The following MSH3 variants were observed in gnomAD, a reference collection of about 807,000 sequenced individuals.
The protein encoded by MSH3 is DNA mismatch repair protein Msh3.
In MSH3, 106 loss-of-function variants were observed where a neutral mutation model predicts 123.3. The ratio of observed to expected loss-of-function variants is 0.86; its 90% CI spans 0.73 to 1.01. The LOEUF is 1.01. MSH3 is among the 50% of genes least tolerant of loss of function. The pLI, the probability that MSH3 is intolerant of heterozygous loss-of-function variation, is 0.00. For missense variants in MSH3, 1,459 were observed against 1,347.6 expected (o/e 1.08, Z -1.29); for synonymous variants, 515 against 481.4 (o/e 1.07, Z -0.91).
In MSH3 at chr5:80,702,945, G is replaced by C. The variant is rs189781843; in HGVS notation, c.1341-22508G>C. 1.7e-3 allele frequency among the ~76,000 whole-genome samples: 256 copies of C among 152,308 alleles called. 1 individual carries two copies. Among genetic ancestry groups the C allele is most frequent in the Admixed American group, 0.015 (223 of 15,298 alleles). On this transcript the variant is annotated intron_variant, in intron 8 of 23. Transcript: ENST00000265081. ...GAGAATCACTTGAACCCGGGTGGCTGAGGTGGCAGTGAGCCGAGATCATGC... is the reference window on the plus strand; with the variant it reads ...GAGAATCACTTGAACCCGGGTGGCTCAGGTGGCAGTGAGCCGAGATCATGC...
chr5:80,869,833 CAT>C (rs200397657), intron 22 of MSH3, among the ~76,000 whole-genome samples: 14 of 69,820 alleles, frequency 2.0e-4, no homozygotes, highest in African/African-American at 6.3e-4. Context: ...TACATATATA[CAT>C]ATATATACAC....
chr5:80,770,407 G>A (rs990574180), intron 15 of MSH3, among the ~76,000 whole-genome samples: 130 of 151,968 alleles, frequency 8.6e-4, no homozygotes, highest in African/African-American at 3.1e-3. Context: ...ACATGAAAGT[G>A]CTTTTTAATC....
intron 8 of MSH3, among the ~76,000 whole-genome samples, chr5:80,705,525 C>A (rs1750702248): frequency 6.6e-6 from 1 of 152,192 alleles, no homozygotes; most frequent in East Asian, 1.9e-4. Context: ...TGTTTATAAG[C>A]CTGTCTCTCT....
At chr5:80,724,259 A>G (rs1490492875) in intron 8 of MSH3, among the ~76,000 whole-genome samples, 3 of 152,260 alleles carry the variant, frequency 2.0e-5, no homozygotes, top group African/African-American at 4.8e-5. Context: ...TTTTTCAGCC[A>G]TTAAAAAGAA....
At chr5:80,761,750 C>A (rs1744039978) in intron 13 of MSH3, 72 bp downstream of exon 13, 14 of 1,489,530 alleles carry the variant, frequency 9.4e-6, no homozygotes, top group Non-Finnish European at 3.7e-6. Flanking sequence ...TAAAAGAAAA[C>A]TTTTGAGAGC....
chr5:80,735,444 T>TG, intron 10 of MSH3, among the ~76,000 whole-genome samples: 2 of 149,916 alleles, frequency 1.3e-5, no homozygotes, highest in Non-Finnish European at 3.0e-5. Context: ...CCCAGCGCTT[T>TG]GGGAGGTCAA....
In MSH3 at chr5:80,813,700, A is replaced by G; in HGVS notation, c.2772A>G (p.Ala924=). The change falls in exon 20 of 24, where the codon GCA becomes GCG. Residue 924 remains alanine (A), a synonymous_variant. Transcript: ENST00000265081. ...IMAQIGSYVP[A]EEATIGIVDG... ...CTCAGATTGGCTCCTATGTTCCTGC[A>G]GAAGAAGCGACAATTGGGATTGTGG... The G allele has an allele frequency of 6.2e-7, 1 of 1,614,210 alleles. No individual in the cohort carries two copies. Among genetic ancestry groups the G allele is most frequent in the South Asian group, 1.1e-5 (1 of 91,088 alleles).
chr5:80,723,286 A>C (rs1751126303), intron 8 of MSH3, among the ~76,000 whole-genome samples: 2 of 152,076 alleles, frequency 1.3e-5, no homozygotes, highest in Non-Finnish European at 2.9e-5. Flanking sequence ...AGAAATTAAG[A>C]GACTGTGGTC....
chr5:80,819,466 G>GTA (rs3073812), intron 20 of MSH3, among the ~76,000 whole-genome samples: 19 of 145,730 alleles, frequency 1.3e-4, no homozygotes, highest in Non-Finnish European at 1.9e-4. Flanking sequence ...GTGTGTGTGT[G>GTA]TATATATATA....
chr5:80,713,982 A>C (rs890932750), intron 8 of MSH3, among the ~76,000 whole-genome samples: 1 of 152,092 alleles, frequency 6.6e-6, no homozygotes, highest in East Asian at 1.9e-4. Context: ...CAGTTCTGCA[A>C]GGTTTATTAC....
intron 10 of MSH3, among the ~76,000 whole-genome samples, chr5:80,729,480 A>G (rs891991845): frequency 3.3e-5 from 5 of 149,340 alleles, no homozygotes; most frequent in African/African-American, 1.2e-4. Flanking sequence ...ATATATATAT[A>G]AAGAATTCTG....
Position 80,857,728 on chromosome 5 carries a change from C to T in MSH3, c.3000+3412C>T, listed in dbSNP as rs547153855. 4.6e-5 allele frequency among the ~76,000 whole-genome samples: 7 copies of T among 152,242 alleles called. No homozygotes were observed. The East Asian group carries it at 5.8e-4, about 13-fold the overall frequency. On this transcript the variant is annotated intron_variant, in intron 21 of 23. Transcript: ENST00000265081. ...TATCCTTTTATTTGTCCACGGCATC[C>T]GTAGTGTTGTCCTTTTCATTTCTGA...
At chr5:80,718,148 A>C (rs1751001473) in intron 8 of MSH3, among the ~76,000 whole-genome samples, 1 of 152,354 alleles carries the variant, frequency 6.6e-6, no homozygotes, top group Middle Eastern at 3.4e-3. Flanking sequence ...CCTCACTGTC[A>C]TAGCCCTCAG....
intron 20 of MSH3, among the ~76,000 whole-genome samples, chr5:80,852,605 G>A (rs778665305): frequency 2.0e-5 from 3 of 152,174 alleles, no homozygotes; most frequent in Non-Finnish European, 4.4e-5. Flanking sequence ...AGTAAACATT[G>A]AAATTTGAGG....
intron 20 of MSH3, among the ~76,000 whole-genome samples, chr5:80,850,044 A>AT (rs1162406867): frequency 2.0e-5 from 3 of 152,102 alleles, no homozygotes; most frequent in African/African-American, 7.2e-5. Context: ...CTCTGCCTAA[A>AT]TCACCTCTCT....
intron 20 of MSH3, among the ~76,000 whole-genome samples, chr5:80,820,899 A>G (rs903653337): frequency 2.6e-5 from 4 of 152,174 alleles, no homozygotes; most frequent in Non-Finnish European, 4.4e-5. Flanking sequence ...TTTGCACTTC[A>G]CGAAGGTCCA....
chr5:80,656,656 C>G, intron 2 of MSH3, 125 bp downstream of exon 2: 1 of 1,340,028 alleles, frequency 7.5e-7, no homozygotes, highest in Non-Finnish European at 1.0e-6. Context: ...CCTTTTGTTC[C>G]TGAGCAGAGT....
At chr5:80,776,929 T>TA (rs1554072702) in intron 16 of MSH3, among the ~76,000 whole-genome samples, 2,888 of 91,532 alleles carry the variant, frequency 0.032, 41 homozygotes, top group African/African-American at 0.063. Context: ...TATATATATA[T>TA]TTTTTTTTTT....
At chr5:80,695,302 G>T (rs1366488908) in intron 8 of MSH3, among the ~76,000 whole-genome samples, 2 of 151,418 alleles carry the variant, frequency 1.3e-5, no homozygotes, top group Non-Finnish European at 2.9e-5. Flanking sequence ...TGCATCCACT[G>T]TTATTATATT....
Sources: allele counts gnomAD v4.1 joint callset (sites outside exome capture counted in the v4.1 genomes callset), GRCh38; gene constraint gnomAD v4.1.1; transcripts MANE v1.5; gene names NCBI Gene and HGNC (gene_info 2026-07-23, HGNC 2026-07-21).